The following PPP2R2B variants were observed in gnomAD, a reference collection of about 807,000 sequenced individuals.
PPP2R2B encodes the protein serine/threonine-protein phosphatase 2A 55 kDa regulatory subunit B beta isoform.
PPP2R2B carries 5 observed loss-of-function variants against 46.0 expected under a neutral mutation model. That is an observed-to-expected ratio of 0.11 (90% CI 0.06 to 0.23). PPP2R2B has a LOEUF of 0.23. Ranked by LOEUF, PPP2R2B falls within the 10% of genes least tolerant of loss-of-function variation. The probability of loss-of-function intolerance (pLI) is 1.00; values close to 1 mark genes in which losing one functional copy is unlikely to be tolerated. For synonymous variants in PPP2R2B, 215 were observed against 206.7 expected (o/e 1.04, Z -0.34); for missense variants, 367 against 575.0 (o/e 0.64, Z 3.70).
At chr5:146,681,833 C>T (rs1037719800) in intron 5 of PPP2R2B, among the ~76,000 whole-genome samples, 2 of 152,178 alleles carry the variant, frequency 1.3e-5, no homozygotes, top group Admixed American at 6.5e-5. Flanking sequence ...TGTGTCAGAG[C>T]CTGTAACACT....
intron 1 of PPP2R2B, among the ~76,000 whole-genome samples, chr5:147,012,433 A>G (rs974303194): frequency 6.6e-6 from 1 of 151,954 alleles, no homozygotes; most frequent in Admixed American, 6.6e-5. Context: ...TATCCCCTTT[A>G]TCATTTTTTA....
At chr5:146,608,077 G>C (rs1029833674) in intron 7 of PPP2R2B, among the ~76,000 whole-genome samples, 3 of 152,222 alleles carry the variant, frequency 2.0e-5, no homozygotes, top group Admixed American at 6.5e-5. Context: ...AAGAAAAGTT[G>C]TGAGTCAGAC....
At chr5:146,724,241 C>T (rs953294318) in intron 2 of PPP2R2B, among the ~76,000 whole-genome samples, 2 of 151,946 alleles carry the variant, frequency 1.3e-5, no homozygotes, top group African/African-American at 4.8e-5. Context: ...AACTCACTGG[C>T]TCTGTGATCC....
chr5:146,673,694 C>G (rs550366408), intron 5 of PPP2R2B, among the ~76,000 whole-genome samples: 5 of 152,210 alleles, frequency 3.3e-5, no homozygotes, highest in Admixed American at 2.6e-4. Flanking sequence ...GCCCAGAGGC[C>G]CCTCACATGA....
intron 2 of PPP2R2B, among the ~76,000 whole-genome samples, chr5:146,772,963 A>G (rs1221336797): frequency 6.6e-6 from 1 of 152,228 alleles, no homozygotes; most frequent in Non-Finnish European, 1.5e-5. Context: ...GACAAGACTT[A>G]AGCTTTTCAG....
chr5:147,055,848 G>A (rs1164574453), exon 1 of PPP2R2B: 7 of 1,486,038 alleles, frequency 4.7e-6, no homozygotes, highest in Non-Finnish European at 5.4e-6. Context: ...GTTTATGTAG[G>A]TTCTTTCCCA....
chr5:146,753,321 G>A (rs1346282483), intron 2 of PPP2R2B, among the ~76,000 whole-genome samples: 1 of 152,178 alleles, frequency 6.6e-6, no homozygotes, highest in Non-Finnish European at 1.5e-5. Context: ...CTTCAAATTT[G>A]TGAGGGTATA....
chr5:146,586,813 C>G lies in PPP2R2B; in HGVS notation c.*3134G>C, dbSNP rs1770186569. 6.6e-6 allele frequency: 1 copy of G among 152,124 alleles called. No individual in the cohort carries two copies. Among genetic ancestry groups the G allele is most frequent in the African/African-American group, 2.4e-5 (1 of 41,412 alleles). 9.4% of individuals were successfully genotyped at this position (152,124 alleles called of 1,614,324 possible). On this transcript the variant is annotated 3_prime_UTR_variant, in exon 10 of 10. Coordinates refer to ENST00000394411, the MANE Select transcript of PPP2R2B (RefSeq NM_181675.4). ...ACTGCCCATCTGCCTTTATATATCCCACTTCTTGATGCTGGCTAGTATCTT... is the reference window on the plus strand; with the variant it reads ...ACTGCCCATCTGCCTTTATATATCCGACTTCTTGATGCTGGCTAGTATCTT...
chr5:146,804,121 C>T (rs771834968), intron 2 of PPP2R2B, among the ~76,000 whole-genome samples: 1 of 151,572 alleles, frequency 6.6e-6, no homozygotes, highest in Non-Finnish European at 1.5e-5. Flanking sequence ...GAGCAGAGAT[C>T]ATGCCACTGC....
chr5:146,772,297 C>T (rs1033825314), intron 2 of PPP2R2B, among the ~76,000 whole-genome samples: 1 of 150,890 alleles, frequency 6.6e-6, no homozygotes, highest in African/African-American at 2.4e-5. Flanking sequence ...GAACCACAGA[C>T]AAAAATCCTT....
At chr5:147,032,509 C>G (rs1019570407) in intron 1 of PPP2R2B, among the ~76,000 whole-genome samples, 3 of 151,970 alleles carry the variant, frequency 2.0e-5, no homozygotes, top group Non-Finnish European at 4.4e-5. Context: ...TCTCACCCCC[C>G]TCTCCCTCTT....
At chr5:146,997,723 G>A (rs1278691617) in intron 1 of PPP2R2B, among the ~76,000 whole-genome samples, 1 of 152,142 alleles carries the variant, frequency 6.6e-6, no homozygotes, top group Non-Finnish European at 1.5e-5. Context: ...AAAATTTTTA[G>A]AATGGATAGA....
intron 2 of PPP2R2B, among the ~76,000 whole-genome samples, chr5:146,848,336 C>T (rs993943895): frequency 2.0e-5 from 3 of 152,014 alleles, no homozygotes; most frequent in African/African-American, 7.2e-5. Context: ...GTCCATAGTT[C>T]ATTCAGATTT....
chr5:146,808,960 T>G (rs1757357778), intron 2 of PPP2R2B, among the ~76,000 whole-genome samples: 1 of 29,634 alleles, frequency 3.4e-5, no homozygotes, highest in Non-Finnish European at 1.1e-4. Flanking sequence ...CTAACACTGG[T>G]GTGTGTGTGT....
intron 1 of PPP2R2B, among the ~76,000 whole-genome samples, chr5:147,020,472 T>C (rs1266474965): frequency 1.3e-5 from 2 of 152,084 alleles, no homozygotes; most frequent in African/African-American, 4.8e-5. Flanking sequence ...AAAATAGTGA[T>C]AGTACTATAC....
chr5:147,069,341 G>A (rs531643060), intron 2 of PPP2R2B, among the ~76,000 whole-genome samples: 4 of 152,266 alleles, frequency 2.6e-5, no homozygotes, highest in South Asian at 4.1e-4. Flanking sequence ...GGAAGATTAC[G>A]TTACTGAAAA....
At chr5:146,618,528 C>G (rs957218938) in intron 7 of PPP2R2B, among the ~76,000 whole-genome samples, 1 of 152,224 alleles carries the variant, frequency 6.6e-6, no homozygotes, top group Admixed American at 6.5e-5. Flanking sequence ...TATCCTCCTC[C>G]GTTTGTCAAC....
intron 1 of PPP2R2B, among the ~76,000 whole-genome samples, chr5:146,892,300 CA>C (rs988249330): frequency 3.9e-5 from 6 of 152,152 alleles, no homozygotes; most frequent in African/African-American, 1.4e-4. Flanking sequence ...ACATGCCACA[CA>C]GGGGGATCAA....
intron 5 of PPP2R2B, 142 bp from the exon 6 acceptor site, chr5:146,650,866 A>T (rs749535187): frequency 1.4e-4 from 99 of 716,752 alleles, no homozygotes; most frequent in Middle Eastern, 4.1e-4. Flanking sequence ...AGAGGCTAAT[A>T]ACGAATCACA....
Sources: gnomAD v4.1 joint callset for allele counts (sites outside exome capture counted in the v4.1 genomes callset) on GRCh38, gnomAD v4.1.1 for gene constraint, MANE v1.5 for transcripts, NCBI Gene and HGNC (gene_info 2026-07-23, HGNC 2026-07-21) for gene names.